DRC11: variants seen among roughly 807,000 people sequenced by gnomAD.
The protein encoded by DRC11 is IQ and AAA domain-containing protein 1.
the DRC11 span, among the ~76,000 whole-genome samples, chr2:236,340,383 C>G: frequency 6.6e-6 from 1 of 152,232 alleles, no homozygotes; most frequent in Non-Finnish European, 1.5e-5. Context: ...TTCGGCCTCC[C>G]AAAGTGCTGG....
At chr2:236,382,396 T>A in the DRC11 span, among the ~76,000 whole-genome samples, 20 of 152,226 alleles carry the variant, frequency 1.3e-4, no homozygotes, top group African/African-American at 3.6e-4. Context: ...TCTCACTTTA[T>A]TCTTCTTTTT....
At chr2:236,445,860 T>A in the DRC11 span, among the ~76,000 whole-genome samples, 24 of 152,146 alleles carry the variant, frequency 1.6e-4, no homozygotes, top group Non-Finnish European at 3.1e-4. The surrounding 1 kb of genome is among the most constrained non-coding windows in gnomAD (Gnocchi z 4.8). Context: ...TGCAAACAGA[T>A]GGGTGTGCAC....
the DRC11 span, among the ~76,000 whole-genome samples, chr2:236,393,035 G>A: frequency 2.0e-5 from 3 of 152,164 alleles, no homozygotes; most frequent in Non-Finnish European, 4.4e-5. The surrounding 1 kb of genome is among the most constrained non-coding windows in gnomAD (Gnocchi z 4.7). Context: ...TTCTCAGAAG[G>A]GAGGTTCCAA....
the DRC11 span, among the ~76,000 whole-genome samples, chr2:236,355,840 G>C: frequency 6.6e-6 from 1 of 152,004 alleles, no homozygotes; most frequent in Non-Finnish European, 1.5e-5. Flanking sequence ...TCTTCTATGA[G>C]CTACAGAAAC....
chr2:236,486,513 C>T, the DRC11 span, among the ~76,000 whole-genome samples: 1 of 151,466 alleles, frequency 6.6e-6, no homozygotes, highest in Admixed American at 6.6e-5. The surrounding 1 kb of genome is among the most constrained non-coding windows in gnomAD (Gnocchi z 5.7). Context: ...TCAATGCAAA[C>T]CCACTGTTGT....
the DRC11 span, among the ~76,000 whole-genome samples, chr2:236,380,324 C>T: frequency 6.6e-6 from 1 of 152,302 alleles, no homozygotes; most frequent in East Asian, 1.9e-4. The surrounding 1 kb of genome is among the most constrained non-coding windows in gnomAD (Gnocchi z 4.9). Flanking sequence ...CAAAAAATTC[C>T]ATGAATTTTA....
chr2:236,329,724 G>T, the DRC11 span, among the ~76,000 whole-genome samples: 1 of 152,250 alleles, frequency 6.6e-6, no homozygotes, highest in African/African-American at 2.4e-5. Flanking sequence ...CAGGCACAGG[G>T]CCAAGCACTG....
the DRC11 span, among the ~76,000 whole-genome samples, chr2:236,472,954 TCCAAGGTGCTGCTTCCTTC>T: frequency 1.3e-5 from 2 of 152,188 alleles, no homozygotes; most frequent in Non-Finnish European, 2.9e-5. This position sits in a 1 kb window ranked among gnomAD's most constrained non-coding sequence, Gnocchi z 4.6. Context: ...CACACTCGTT[TCCAAGGTGCTGCTTCCTTC>T]CCAGGACATG....
the DRC11 span, among the ~76,000 whole-genome samples, chr2:236,460,447 C>T: frequency 9.9e-5 from 15 of 152,186 alleles, no homozygotes; most frequent in Non-Finnish European, 4.4e-5. This position sits in a 1 kb window ranked among gnomAD's most constrained non-coding sequence, Gnocchi z 4.0. Flanking sequence ...CGGCCAGCCC[C>T]GTCTCCTTGC....
chr2:236,361,885 AAGACAT>A, the DRC11 span, among the ~76,000 whole-genome samples: 1 of 152,222 alleles, frequency 6.6e-6, no homozygotes, highest in Admixed American at 6.5e-5. This position sits in a 1 kb window ranked among gnomAD's most constrained non-coding sequence, Gnocchi z 5.7. Context: ...TTTAACTATA[AAGACAT>A]AGACATATTG....
chr2:236,488,916 G>A, the DRC11 span, among the ~76,000 whole-genome samples: 1,957 of 152,118 alleles, frequency 0.013, 21 homozygotes, highest in Non-Finnish European at 0.02. Context: ...GGGCCTGTGT[G>A]GGCTCTGGGT....
chr2:236,359,286 C>A, the DRC11 span, among the ~76,000 whole-genome samples: 1 of 151,930 alleles, frequency 6.6e-6, no homozygotes, highest in Non-Finnish European at 1.5e-5. The surrounding 1 kb of genome is among the most constrained non-coding windows in gnomAD (Gnocchi z 4.3). Context: ...AAAAAGGAAA[C>A]GCTTCCCCTC....
At chr2:236,339,383 T>G in the DRC11 span, among the ~76,000 whole-genome samples, 1 of 152,222 alleles carries the variant, frequency 6.6e-6, no homozygotes. Context: ...TTTCACTTTC[T>G]TGAGGATGTC....
At chr2:236,449,007 G>A in the DRC11 span, among the ~76,000 whole-genome samples, 521 of 151,900 alleles carry the variant, frequency 3.4e-3, 1 homozygote, top group African/African-American at 0.012. The surrounding 1 kb of genome is among the most constrained non-coding windows in gnomAD (Gnocchi z 5.1). Context: ...TTATAGGTGC[G>A]TGCCACCACG....
chr2:236,363,694 G>T, the DRC11 span: 1 of 1,037,444 alleles, frequency 9.6e-7, no homozygotes, highest in Non-Finnish European at 1.5e-6. This position sits in a 1 kb window ranked among gnomAD's most constrained non-coding sequence, Gnocchi z 5.6. Flanking sequence ...AGTCATGCTT[G>T]TCTGCCAATG....
the DRC11 span, among the ~76,000 whole-genome samples, chr2:236,450,184 A>G: frequency 6.6e-6 from 1 of 152,078 alleles, no homozygotes; most frequent in African/African-American, 2.4e-5. Context: ...TTGATTATTG[A>G]CTTTATAATT....
At chr2:236,328,031 T>G in the DRC11 span, among the ~76,000 whole-genome samples, 3 of 152,242 alleles carry the variant, frequency 2.0e-5, no homozygotes, top group Admixed American at 1.3e-4. This position sits in a 1 kb window ranked among gnomAD's most constrained non-coding sequence, Gnocchi z 6.7. Flanking sequence ...TCCTCCCTAA[T>G]GTTTCTGGTC....
chr2:236,491,200 ATATATATATATACACACAG>A, the DRC11 span, among the ~76,000 whole-genome samples: 21 of 62,934 alleles, frequency 3.3e-4, 1 homozygote, highest in Non-Finnish European at 5.1e-4. Context: ...ATATATATAT[ATATATATATATACACACAG>A]TATATATATA....
At chr2:236,352,383 GGGGATAGCGT>G in the DRC11 span, among the ~76,000 whole-genome samples, 2 of 152,126 alleles carry the variant, frequency 1.3e-5, no homozygotes, top group South Asian at 4.1e-4. The surrounding 1 kb of genome is among the most constrained non-coding windows in gnomAD (Gnocchi z 7.0). Context: ...GGAAATGTCT[GGGGATAGCGT>G]GGGCTAGGGA....
Sources: gnomAD v4.1 joint callset for allele counts (sites outside exome capture counted in the v4.1 genomes callset) on GRCh38, gnomAD v4.1.1 for gene constraint, Gnocchi (gnomAD v3.1) non-coding constraint, MANE v1.5 for transcripts, NCBI Gene and HGNC (gene_info 2026-07-23, HGNC 2026-07-21) for gene names.